Variants in NDUFAF2 observed in about 807,000 individuals in gnomAD.
NDUFAF2 encodes the protein NADH:ubiquinone oxidoreductase complex assembly factor 2.
A neutral mutation model predicts 22.8 loss-of-function variants in NDUFAF2; 13 were observed. The observed-to-expected ratio is 0.57, with a 90% CI of 0.37 to 0.91. The LOEUF (loss-of-function observed/expected upper bound fraction) is 0.91. NDUFAF2 is among the 40% of genes least tolerant of loss of function. The pLI is 0.01. For missense variants in NDUFAF2, 162 were observed against 195.2 expected (o/e 0.83, Z 1.01); for synonymous variants, 53 against 64.2 (o/e 0.83, Z 0.84).
At chr5:61,136,433 A>G (rs1415066453) in intron 3 of NDUFAF2, among the ~76,000 whole-genome samples, 1 of 152,110 alleles carries the variant, frequency 6.6e-6, no homozygotes, top group African/African-American at 2.4e-5. Flanking sequence ...ATCTGCCTCC[A>G]TAACCTCCTT....
At chr5:61,021,516 A>T (rs1021726561) in intron 1 of NDUFAF2, among the ~76,000 whole-genome samples, 3 of 152,120 alleles carry the variant, frequency 2.0e-5, no homozygotes, top group Non-Finnish European at 2.9e-5. Flanking sequence ...ATACAAAGTC[A>T]TTTTTGCCAT....
intron 1 of NDUFAF2, among the ~76,000 whole-genome samples, chr5:61,026,733 G>A (rs1261873179): frequency 3.3e-5 from 5 of 151,994 alleles, no homozygotes; most frequent in Non-Finnish European, 7.4e-5. Context: ...AAATAATAGT[G>A]ACAGAGAACA....
intron 1 of NDUFAF2, among the ~76,000 whole-genome samples, chr5:61,004,139 G>A (rs994536480): frequency 1.3e-5 from 2 of 152,072 alleles, no homozygotes; most frequent in Middle Eastern, 3.4e-3. Context: ...TTGCATCTAT[G>A]TTATTTATTT....
chr5:61,084,176 C>A (rs1447938517), intron 2 of NDUFAF2, among the ~76,000 whole-genome samples: 1 of 151,356 alleles, frequency 6.6e-6, no homozygotes, highest in Non-Finnish European at 1.5e-5. Context: ...ATCATGAATG[C>A]TGTTGGATTT....
At chr5:61,048,966 A>C (rs1426856880) in intron 1 of NDUFAF2, among the ~76,000 whole-genome samples, 1 of 152,156 alleles carries the variant, frequency 6.6e-6, no homozygotes, top group Non-Finnish European at 1.5e-5. Flanking sequence ...TGACACAAAC[A>C]TGCAAGGTAA....
chr5:61,027,763 C>CT (rs1012819068), intron 1 of NDUFAF2, among the ~76,000 whole-genome samples: 22 of 151,862 alleles, frequency 1.4e-4, no homozygotes, highest in Admixed American at 3.3e-4. Context: ...TAAAAGCCTC[C>CT]TTTTTTTCTT....
intron 2 of NDUFAF2, among the ~76,000 whole-genome samples, chr5:61,073,519 C>CCAG (rs1253988100): frequency 6.6e-6 from 1 of 152,118 alleles, no homozygotes; most frequent in African/African-American, 2.4e-5. Context: ...ATGTAGTGAC[C>CCAG]CAGCACTTGC....
chr5:61,111,740 T>C (rs1752843888), intron 3 of NDUFAF2, among the ~76,000 whole-genome samples: 1 of 152,016 alleles, frequency 6.6e-6, no homozygotes, highest in Admixed American at 6.6e-5. Context: ...TGCCTCAGCC[T>C]CCTGAGTAGC....
chr5:61,122,253 C>T (rs1159112083), intron 3 of NDUFAF2, among the ~76,000 whole-genome samples: 1 of 152,152 alleles, frequency 6.6e-6, no homozygotes, highest in Non-Finnish European at 1.5e-5. Flanking sequence ...CAGTCACTCT[C>T]TGTTTCTCTG....
chr5:60,978,050 G>A (rs866327704), intron 1 of NDUFAF2, among the ~76,000 whole-genome samples: 1 of 152,154 alleles, frequency 6.6e-6, no homozygotes, highest in African/African-American at 2.4e-5. Flanking sequence ...GGTAGCAGCT[G>A]TGGGCCACTG....
At position 60,992,446 on chromosome 5, in the gene NDUFAF2, G is replaced by A. The variant is rs568019886; in HGVS notation, c.127+47064G>A. On this transcript the variant is annotated intron_variant, in intron 1 of 3. Transcript: ENST00000296597. ...TAGTTTCATAGCTTGAGGTTTAGAT[G>A]TAAGTTTTTTTAATCCATTTTGATT... 4.6e-5 allele frequency among the ~76,000 whole-genome samples: 7 copies of A among 152,238 alleles called. No homozygotes were observed. The South Asian group carries it at 1.2e-3, about 27-fold the overall frequency.
intron 1 of NDUFAF2, among the ~76,000 whole-genome samples, chr5:60,992,473 G>A (rs556597741): frequency 6.6e-6 from 1 of 151,996 alleles, no homozygotes; most frequent in Admixed American, 6.5e-5. Context: ...ATTTTGATTT[G>A]ATTTTTATAT....
intron 3 of NDUFAF2, among the ~76,000 whole-genome samples, chr5:61,150,087 A>G (rs1741208359): frequency 1.3e-5 from 2 of 152,102 alleles, no homozygotes; most frequent in Admixed American, 1.3e-4. Flanking sequence ...ATGTGCCACA[A>G]TGCACAGCTA....
intron 1 of NDUFAF2, among the ~76,000 whole-genome samples, chr5:61,010,020 A>G (rs1017391681): frequency 1.6e-4 from 24 of 152,072 alleles, no homozygotes; most frequent in Admixed American, 1.4e-3. Flanking sequence ...TGTTCCTTCA[A>G]TTGTCTGTCA....
At chr5:61,148,664 A>G (rs1741181005) in intron 3 of NDUFAF2, among the ~76,000 whole-genome samples, 1 of 152,234 alleles carries the variant, frequency 6.6e-6, no homozygotes, top group African/African-American at 2.4e-5. Flanking sequence ...AGAGTCACAC[A>G]GCTGGTAAAT....
chr5:61,039,677 C>T (rs1751847597), intron 1 of NDUFAF2, among the ~76,000 whole-genome samples: 5 of 152,030 alleles, frequency 3.3e-5, no homozygotes, highest in Admixed American at 3.3e-4. Flanking sequence ...GTGAGATAGC[C>T]AGTCATTAGT....
intron 2 of NDUFAF2, among the ~76,000 whole-genome samples, chr5:61,098,505 T>C (rs190900321): frequency 7.6e-4 from 116 of 152,352 alleles, no homozygotes; most frequent in African/African-American, 2.5e-3. Context: ...GGCCTGATGA[T>C]ATTTTTGCTT....
chr5:60,984,572 A>C (rs1441435030), intron 1 of NDUFAF2, among the ~76,000 whole-genome samples: 1 of 151,532 alleles, frequency 6.6e-6, no homozygotes, highest in Non-Finnish European at 1.5e-5. Flanking sequence ...GATACGTCCC[A>C]TCAATACCTA....
In NDUFAF2 at chr5:61,106,758, C is replaced by T. The variant is rs965606064; in HGVS notation, c.258+7726C>T. On this transcript the variant is annotated intron_variant, in intron 3 of 3. Coordinates refer to ENST00000296597, the MANE Select transcript of NDUFAF2 (RefSeq NM_174889.5). ...CTCTCTATCTCCATAAGTTCAACTC[C>T]CACAAATGAGTGAGAACATGTGAAG... 6.0e-5 allele frequency among the ~76,000 whole-genome samples: 9 copies of T among 150,978 alleles called. 1 individual carries two copies. Among genetic ancestry groups the T allele is most frequent in the African/African-American group, 2.2e-4 (9 of 40,472 alleles).
Sources: allele counts gnomAD v4.1 joint callset (sites outside exome capture counted in the v4.1 genomes callset), GRCh38; gene constraint gnomAD v4.1.1; transcripts MANE v1.5; gene names NCBI Gene and HGNC (gene_info 2026-07-23, HGNC 2026-07-21).